The following HS6ST3 variants were observed in gnomAD, a reference collection of about 807,000 sequenced individuals.
HS6ST3 encodes heparan-sulfate 6-O-sulfotransferase 3.
HS6ST3 carries 12 observed loss-of-function variants against 36.7 expected under a neutral mutation model. The observed-to-expected ratio is 0.33, with a 90% CI of 0.21 to 0.53. The LOEUF is 0.53. Ranked by LOEUF, HS6ST3 falls within the 20% of genes least tolerant of loss-of-function variation. The pLI, the probability that HS6ST3 is intolerant of heterozygous loss-of-function variation, is 0.95. For synonymous variants in HS6ST3, 240 were observed against 257.5 expected (o/e 0.93, Z 0.65); for missense variants, 584 against 640.9 (o/e 0.91, Z 0.96).
Position 96,658,268 on chromosome 13 carries a change from C to CTTCTTTTTTTTTTTTTTTTTTTTT in HS6ST3, c.708-174220_708-174219insCTTTTTTTTTTTTTTTTTTTTTTT, listed in dbSNP as rs1566422902. On this transcript the variant is annotated intron_variant, in intron 1 of 1. Coordinates refer to ENST00000376705, the MANE Select transcript of HS6ST3 (RefSeq NM_153456.4). ...TTCTTCTTCTTCTTCTCTTCTTCTT[C>CTTCTTTTTTTTTTTTTTTTTTTTT]TTTTTTTTTTTTTTTTTTTTTTTTT... 6.8e-4 allele frequency among the ~76,000 whole-genome samples: 52 copies of CTTCTTTTTTTTTTTTTTTTTTTTT among 76,156 alleles called. 6 individuals carry two copies. The highest frequency in any genetic ancestry group is 9.7e-4 in the Non-Finnish European group (40 of 41,036). The allele number at this position is 76,156 out of a possible 152,430, so 50.0% of individuals were successfully genotyped here.
At chr13:96,309,630 G>A (rs2054930661) in intron 1 of HS6ST3, among the ~76,000 whole-genome samples, 1 of 152,134 alleles carries the variant, frequency 6.6e-6, no homozygotes, top group Admixed American at 6.5e-5. Context: ...GCTTTTAATA[G>A]ATTCTCAAAG....
chr13:96,276,963 T>G (rs2054751604), intron 1 of HS6ST3, among the ~76,000 whole-genome samples: 1 of 152,174 alleles, frequency 6.6e-6, no homozygotes, highest in Non-Finnish European at 1.5e-5. Context: ...CTTCATGCTC[T>G]TGTTGGATAA....
chr13:96,776,479 A>G (rs189943029), intron 1 of HS6ST3, among the ~76,000 whole-genome samples: 388 of 152,312 alleles, frequency 2.5e-3, no homozygotes, highest in Middle Eastern at 0.01. Flanking sequence ...AGACGAGTCA[A>G]ATAGACACAA....
chr13:96,830,069 T>C (rs529649295), intron 1 of HS6ST3, among the ~76,000 whole-genome samples: 2 of 152,172 alleles, frequency 1.3e-5, no homozygotes, highest in Non-Finnish European at 2.9e-5. Context: ...TTTTTCATTT[T>C]CATTAAGATA....
intron 1 of HS6ST3, among the ~76,000 whole-genome samples, chr13:96,372,383 C>T (rs971951081): frequency 6.6e-6 from 1 of 151,966 alleles, no homozygotes; most frequent in Non-Finnish European, 1.5e-5. Context: ...GATACTAATT[C>T]CTTATCAGAT....
Position 96,118,381 on chromosome 13 carries a change from A to G in HS6ST3, c.707+26812A>G, listed in dbSNP as rs151262122. Among the ~76,000 whole-genome samples the G allele has an allele frequency of 3.4e-3, 521 of 152,200 alleles. 3 individuals are homozygous for G. Among genetic ancestry groups the G allele is most frequent in the African/African-American group, 0.012 (501 of 41,528 alleles). On this transcript the variant is annotated intron_variant, in intron 1 of 1. Coordinates refer to ENST00000376705, the MANE Select transcript of HS6ST3 (RefSeq NM_153456.4). ...GGAAGGCTACAGCATGAAACCAGTC[A>G]TGCCAACATTTTGATCTTGGACTTC...
chr13:96,573,866 A>C (rs994760399), intron 1 of HS6ST3: 1 of 461,260 alleles, frequency 2.2e-6, no homozygotes, highest in Non-Finnish European at 4.2e-6. Flanking sequence ...TGAATCCAGC[A>C]TCAGGAGCAC....
At chr13:96,642,986 G>GA (rs2056575491) in intron 1 of HS6ST3, among the ~76,000 whole-genome samples, 1 of 151,852 alleles carries the variant, frequency 6.6e-6, no homozygotes, top group African/African-American at 2.4e-5. Flanking sequence ...ATTTGGGGTT[G>GA]AAAACCACAC....
At chr13:96,350,310 C>T (rs2055175373) in intron 1 of HS6ST3, among the ~76,000 whole-genome samples, 1 of 152,162 alleles carries the variant, frequency 6.6e-6, no homozygotes, top group African/African-American at 2.4e-5. Flanking sequence ...ACAGAAATAG[C>T]CAGCTTACAT....
intron 1 of HS6ST3, among the ~76,000 whole-genome samples, chr13:96,133,211 C>T (rs1230779157): frequency 6.6e-6 from 1 of 152,122 alleles, no homozygotes; most frequent in Non-Finnish European, 1.5e-5. Flanking sequence ...TCACTGCAAC[C>T]TCCGCCTTCC....
At chr13:96,206,994 A>G (rs1395971952) in intron 1 of HS6ST3, among the ~76,000 whole-genome samples, 3 of 152,340 alleles carry the variant, frequency 2.0e-5, no homozygotes, top group African/African-American at 7.2e-5. Context: ...CTGCACAGCC[A>G]AATAAACTAT....
intron 1 of HS6ST3, among the ~76,000 whole-genome samples, chr13:96,311,205 C>G (rs142414345): frequency 6.6e-6 from 1 of 152,162 alleles, no homozygotes; most frequent in South Asian, 2.1e-4. Flanking sequence ...CAGTAAGTCT[C>G]ATATTCCATT....
At chr13:96,777,234 C>T (rs1877410659) in intron 1 of HS6ST3, among the ~76,000 whole-genome samples, 1 of 152,186 alleles carries the variant, frequency 6.6e-6, no homozygotes, top group African/African-American at 2.4e-5. Context: ...TAGCCAATAG[C>T]ATACTGAAGG....
At chr13:96,379,392 C>T (rs1375520559) in intron 1 of HS6ST3, among the ~76,000 whole-genome samples, 2 of 152,134 alleles carry the variant, frequency 1.3e-5, no homozygotes, top group African/African-American at 2.4e-5. Flanking sequence ...TTGCTTGTGC[C>T]CTCCTGCGAG....
At chr13:96,606,428 G>T (rs78489083) in intron 1 of HS6ST3, among the ~76,000 whole-genome samples, 3,642 of 152,046 alleles carry the variant, frequency 0.024, 147 homozygotes, top group African/African-American at 0.082. Context: ...CACAGCAACA[G>T]GAATGCAGCT....
intron 1 of HS6ST3, among the ~76,000 whole-genome samples, chr13:96,209,170 A>G (rs563630162): frequency 2.0e-5 from 3 of 152,360 alleles, no homozygotes; most frequent in Non-Finnish European, 4.4e-5. Context: ...GGAAAGATGG[A>G]TTGTCTATGT....
chr13:96,639,398 A>G (rs1484100228), intron 1 of HS6ST3, among the ~76,000 whole-genome samples: 2 of 151,914 alleles, frequency 1.3e-5, no homozygotes, highest in Non-Finnish European at 2.9e-5. Flanking sequence ...TGTGTCTTTT[A>G]CTTCCAACCT....
rs759935748 is a variant in HS6ST3 at position 96,409,790 on chromosome 13, A to AT, written c.707+318222dup. 4.6e-5 allele frequency among the ~76,000 whole-genome samples: 7 copies of AT among 152,186 alleles called. No homozygotes were observed. The East Asian group carries it at 1.3e-3, about 29-fold the overall frequency. ...GAACTGACTAATTCAAGGACACAAAATCTGTGAGGCCTGAAAATGAGCCAC... is the reference window on the plus strand; with the variant it reads ...GAACTGACTAATTCAAGGACACAAAATTCTGTGAGGCCTGAAAATGAGCCAC... On this transcript the variant is annotated intron_variant, in intron 1 of 1. Transcript: ENST00000376705.
intron 1 of HS6ST3, among the ~76,000 whole-genome samples, chr13:96,567,582 T>A (rs571377073): frequency 1.9e-4 from 29 of 152,248 alleles, no homozygotes; most frequent in African/African-American, 6.5e-4. Flanking sequence ...ACACCCTCTT[T>A]AAAAGAACTG....
Sources: allele counts gnomAD v4.1 joint callset (sites outside exome capture counted in the v4.1 genomes callset), GRCh38; gene constraint gnomAD v4.1.1; transcripts MANE v1.5; gene names NCBI Gene and HGNC (gene_info 2026-07-23, HGNC 2026-07-21).